The following LRRC36 variants were observed in gnomAD, a reference collection of about 807,000 sequenced individuals.
LRRC36 encodes leucine rich repeat containing 36, also known as leucine-rich repeat-containing protein 36.
In LRRC36, 62 loss-of-function variants were observed where a neutral mutation model predicts 81.1. The observed-to-expected ratio is 0.76, with a 90% CI of 0.62 to 0.94. The LOEUF (loss-of-function observed/expected upper bound fraction) is 0.94. Among genes scored for constraint, LRRC36 ranks in the 40% least tolerant of loss-of-function variants. The pLI, the probability that LRRC36 is intolerant of heterozygous loss-of-function variation, is 0.00. For synonymous variants in LRRC36, 334 were observed against 348.6 expected, an observed-to-expected ratio of 0.96 and a Z score of 0.47; for missense variants, 761 against 881.7, an observed-to-expected ratio of 0.86 and a Z score of 1.73.
chr16:67,382,877 A>G (rs1230711506), intron 13 of LRRC36, among the ~76,000 whole-genome samples: 17 of 152,106 alleles, frequency 1.1e-4, no homozygotes, highest in Admixed American at 1.1e-3. Context: ...CCTCAGACCT[A>G]CTGCATTAAA....
chr16:67,334,949 G>A (rs961239491), intron 1 of LRRC36, among the ~76,000 whole-genome samples: 7 of 152,066 alleles, frequency 4.6e-5, no homozygotes, highest in Non-Finnish European at 1.0e-4. Flanking sequence ...ACGAATAGGG[G>A]GTGGGTCACA....
At chr16:67,376,970 T>C in intron 11 of LRRC36, 98 bp downstream of exon 11, 2 of 1,318,216 alleles carry the variant, frequency 1.5e-6, no homozygotes, top group Non-Finnish European at 2.0e-6. Context: ...CTAACCAAAA[T>C]ATGGCAAAAG....
intron 7 of LRRC36, among the ~76,000 whole-genome samples, chr16:67,366,664 C>T (rs901127395): frequency 6.6e-6 from 1 of 151,890 alleles, no homozygotes; most frequent in African/African-American, 2.4e-5. Flanking sequence ...GTACGAGAAT[C>T]GCTTCCCTCT....
At chr16:67,337,683 C>G (rs1261484502) in intron 1 of LRRC36, among the ~76,000 whole-genome samples, 1 of 152,018 alleles carries the variant, frequency 6.6e-6, no homozygotes, top group African/African-American at 2.4e-5. Flanking sequence ...TTCTTGAATT[C>G]TGTCTTCTCT....
chr16:67,350,893 C>T (rs976957436), intron 5 of LRRC36, among the ~76,000 whole-genome samples: 2 of 152,226 alleles, frequency 1.3e-5, no homozygotes, highest in Admixed American at 6.5e-5. Flanking sequence ...ACAAAATTAG[C>T]CGGGCTTGGT....
intron 10 of LRRC36, 81 bp downstream of exon 10, chr16:67,375,493 T>G (rs2039856945): frequency 1.7e-5 from 20 of 1,211,816 alleles, no homozygotes; most frequent in Non-Finnish European, 2.2e-5. Flanking sequence ...CACTTAGCTC[T>G]CTTCACTTGC....
In LRRC36 at chr16:67,332,732, G is replaced by T. The variant is rs146597096; in HGVS notation, c.70+5800G>T. Among the ~76,000 whole-genome samples, 243 of 152,100 alleles carry T rather than the reference G, an allele frequency of 1.6e-3. 5 individuals are homozygous for T. Among genetic ancestry groups the T allele is most frequent in the Admixed American group, 0.015 (223 of 15,254 alleles). On this transcript the variant is annotated intron_variant, in intron 1 of 13. Transcript: ENST00000329956. ...TCTTCAAAATAGACTGCAGTGAAAG[G>T]CATGAGAAATGCTGTGGGTCATTGA...
chr16:67,370,693 T>C (rs2039596365), intron 8 of LRRC36, among the ~76,000 whole-genome samples: 1 of 149,934 alleles, frequency 6.7e-6, no homozygotes, highest in Non-Finnish European at 1.5e-5. Flanking sequence ...GTTACAATAG[T>C]GGTCATGAGT....
At chr16:67,373,240 C>T (rs1397487488) in intron 9 of LRRC36, among the ~76,000 whole-genome samples, 1 of 152,110 alleles carries the variant, frequency 6.6e-6, no homozygotes, top group Non-Finnish European at 1.5e-5. Context: ...TTTCAATATG[C>T]TTTTCTAGAC....
At chr16:67,332,421 G>A (rs2037538750) in intron 1 of LRRC36, among the ~76,000 whole-genome samples, 1 of 152,132 alleles carries the variant, frequency 6.6e-6, no homozygotes, top group African/African-American at 2.4e-5. Flanking sequence ...GGGCATGGTG[G>A]TGGGCGCCTG....
rs766667992 is a variant in LRRC36, at chr16:67,375,401, AG to A, written c.1650del (p.Lys551SerfsTer14). 3.8e-6 allele frequency: 6 copies of A among 1,575,398 alleles called. No homozygotes were observed. The South Asian group carries it at 7.0e-5, about 18-fold the overall frequency. On this transcript the variant is annotated frameshift_variant, in exon 10 of 14. Transcript: ENST00000329956. LOFTEE classifies it high-confidence loss of function. ...GGCTCCGGCTCCCTCCTCCTCAACA[AG>A]AAGTTTCTCGGTGAGTGAATGCATT... ...WNGSGSLLLN[K>X]KFLGPARDLL...
intron 5 of LRRC36, among the ~76,000 whole-genome samples, chr16:67,357,940 A>G (rs1167184873): frequency 2.0e-5 from 3 of 152,212 alleles, no homozygotes; most frequent in Non-Finnish European, 4.4e-5. Flanking sequence ...TTTCAAACAA[A>G]TTGTCCTGTC....
At position 67,336,628 on chromosome 16, in the gene LRRC36, T is replaced by C. The variant is rs529529307; in HGVS notation, c.71-5329T>C. The C allele has an allele frequency of 2.0e-5, 3 of 152,340 alleles. No individual in the cohort carries two copies. The East Asian group carries it at 5.8e-4, about 29-fold the overall frequency. The allele number at this position is 152,340 out of a possible 1,614,324, so 9.4% of individuals were successfully genotyped here. On this transcript the variant is annotated intron_variant, in intron 1 of 13. Transcript: ENST00000329956. The stretch of plus-strand genomic sequence containing the variant: ...GAGTGTCTGGTTTGGGGTTTATTTT[T>C]ATTGCTTTTTAGAGACAGGTTCTTG...
chr16:67,368,070 A>G (rs2039482285), intron 8 of LRRC36, among the ~76,000 whole-genome samples: 1 of 152,102 alleles, frequency 6.6e-6, no homozygotes, highest in Non-Finnish European at 1.5e-5. Context: ...ACAAAAACAG[A>G]AGTTAGTTTC....
At chr16:67,369,200 GAA>G (rs2039531869) in intron 8 of LRRC36, among the ~76,000 whole-genome samples, 1 of 152,194 alleles carries the variant, frequency 6.6e-6, no homozygotes, top group Admixed American at 6.5e-5. Context: ...AATATAGATA[GAA>G]AAGAGATCTG....
At chr16:67,339,880 C>T (rs1181482517) in intron 1 of LRRC36, among the ~76,000 whole-genome samples, 3 of 152,120 alleles carry the variant, frequency 2.0e-5, no homozygotes, top group South Asian at 4.1e-4. Flanking sequence ...CGGTGGCTGA[C>T]GCCTGTAATC....
At chr16:67,371,387 A>G (rs968781958) in intron 9 of LRRC36, 145 bp downstream of exon 9, 2 of 917,892 alleles carry the variant, frequency 2.2e-6, no homozygotes, top group Admixed American at 2.0e-5. Flanking sequence ...AATACTGCCA[A>G]GCTAACACCT....
intron 2 of LRRC36, among the ~76,000 whole-genome samples, chr16:67,345,344 C>CAT (rs10700392): frequency 0.25 from 38,004 of 150,310 alleles, 8,829 homozygotes; most frequent in African/African-American, 0.62. Flanking sequence ...TGCGATTATA[C>CAT]ATATGTACAT....
chr16:67,332,075 A>G (rs907156535), intron 1 of LRRC36, among the ~76,000 whole-genome samples: 6 of 152,158 alleles, frequency 3.9e-5, no homozygotes, highest in Non-Finnish European at 7.3e-5. Flanking sequence ...TGTTAATTCA[A>G]TTTCCAAATG....
Sources: gnomAD v4.1 joint callset for allele counts (sites outside exome capture counted in the v4.1 genomes callset) on GRCh38, gnomAD v4.1.1 for gene constraint, MANE v1.5 for transcripts, NCBI Gene and HGNC (gene_info 2026-07-23, HGNC 2026-07-21) for gene names.